Variants in LRRC58 observed in about 807,000 individuals in gnomAD.
LRRC58 encodes the protein leucine-rich repeat-containing protein 58.
Under a neutral mutation model 30.6 loss-of-function variants are expected in LRRC58, and 18 were observed. That is an observed-to-expected ratio of 0.59 (90% CI 0.41 to 0.87). The LOEUF is 0.87. Among genes scored for constraint, LRRC58 ranks in the 40% least tolerant of loss-of-function variants. The pLI is 0.00. For synonymous variants in LRRC58, 221 were observed against 206.0 expected (o/e 1.07, Z -0.62); for missense variants, 420 against 468.4 (o/e 0.90, Z 0.95).
intron 1 of LRRC58, among the ~76,000 whole-genome samples, chr3:120,341,402 T>C (rs983181101): frequency 6.6e-6 from 1 of 152,000 alleles, no homozygotes; most frequent in African/African-American, 2.4e-5. Flanking sequence ...ACTTGCAATA[T>C]AGTCTAGAGA....
chr3:120,340,976 A>G (rs1352214409), intron 1 of LRRC58, among the ~76,000 whole-genome samples: 1 of 152,172 alleles, frequency 6.6e-6, no homozygotes, highest in Non-Finnish European at 1.5e-5. Flanking sequence ...TCAAAATTCC[A>G]TTTCTCTCTT....
At chr3:120,335,704 C>T (rs1935826416) in intron 2 of LRRC58, 121 bp downstream of exon 2, 1 of 855,172 alleles carries the variant, frequency 1.2e-6, no homozygotes, top group Non-Finnish European at 1.8e-6. Flanking sequence ...CTATAATTAA[C>T]ATATCACTTA....
chr3:120,332,661 TTTTG>T (rs1321962550), intron 3 of LRRC58, among the ~76,000 whole-genome samples: 6 of 152,198 alleles, frequency 3.9e-5, no homozygotes, highest in Non-Finnish European at 8.8e-5. Context: ...ATAAAAGTAC[TTTTG>T]TTTAAGTTAC....
chr3:120,343,895 C>CTGG (rs1935935018), intron 1 of LRRC58, among the ~76,000 whole-genome samples: 1 of 151,974 alleles, frequency 6.6e-6, no homozygotes, highest in Non-Finnish European at 1.5e-5. Context: ...AAAAATTAGC[C>CTGG]TGGTGTGGTG....
At chr3:120,348,636 A>G in intron 1 of LRRC58, 108 bp downstream of exon 1, 1 of 1,294,798 alleles carries the variant, frequency 7.7e-7, no homozygotes, top group South Asian at 1.6e-5. Flanking sequence ...GTTAAAGAGA[A>G]AGCTTGGAAA....
At chr3:120,337,552 C>A (rs1021375619) in intron 1 of LRRC58, among the ~76,000 whole-genome samples, 14 of 151,940 alleles carry the variant, frequency 9.2e-5, no homozygotes, top group African/African-American at 3.4e-4. Flanking sequence ...TCCTTTGTGG[C>A]CTCAAGCATG....
intron 1 of LRRC58, among the ~76,000 whole-genome samples, chr3:120,340,337 T>C (rs1935889559): frequency 6.6e-6 from 1 of 152,240 alleles, no homozygotes; most frequent in South Asian, 2.1e-4. Flanking sequence ...AGTTAGTTCA[T>C]AATTACATCT....
intron 1 of LRRC58, among the ~76,000 whole-genome samples, 175 bp downstream of exon 1, chr3:120,348,569 A>T (rs974749181): frequency 3.3e-5 from 5 of 152,210 alleles, no homozygotes; most frequent in African/African-American, 1.2e-4. Context: ...ACATGCGAAC[A>T]TACTAGGTAT....
At chr3:120,335,189 C>A (rs1436791462) in intron 2 of LRRC58, 50 bp from the exon 3 acceptor site, 3 of 1,497,960 alleles carry the variant, frequency 2.0e-6, no homozygotes, top group Admixed American at 1.8e-5. Flanking sequence ...ACGTAACTAT[C>A]AAAAATATTG....
chr3:120,331,999 A>T (rs1394400796), intron 3 of LRRC58, among the ~76,000 whole-genome samples: 1 of 152,228 alleles, frequency 6.6e-6, no homozygotes, highest in Non-Finnish European at 1.5e-5. Flanking sequence ...ACACATCGTC[A>T]GGTAAACTGA....
chr3:120,342,685 C>A (rs1274382905), intron 1 of LRRC58, among the ~76,000 whole-genome samples: 1 of 152,188 alleles, frequency 6.6e-6, no homozygotes, highest in Non-Finnish European at 1.5e-5. Flanking sequence ...TCTTCTTCAC[C>A]CTTCACTTGT....
At position 120,324,519 on chromosome 3, in the gene LRRC58, T is replaced by C. The variant is rs767607140; in HGVS notation, c.*6681A>G. 9.2e-5 allele frequency: 14 copies of C among 152,232 alleles called. No individual in the cohort carries two copies. Among genetic ancestry groups the C allele is most frequent in the Non-Finnish European group, 1.9e-4 (13 of 68,032 alleles). 9.4% of individuals were successfully genotyped at this position (152,232 alleles called of 1,614,324 possible). A position where few individuals can be genotyped will look rare whatever the true frequency, so the allele number is the denominator to read the frequency against. On this transcript the variant is annotated 3_prime_UTR_variant, in exon 4 of 4. Coordinates refer to ENST00000295628, the MANE Select transcript of LRRC58 (RefSeq NM_001099678.2). ...GCATCTAGAACAGAGTCAATGTTAG[T>C]ACATATTTAATGTATGTATTCAATG...
Position 120,349,091 on chromosome 3 carries a change from C to G in LRRC58, c.153G>C (p.Leu51=), listed in dbSNP as rs1936018552. ...GCAGCGACACCAGACGGTTGTGAGG[C>G]AGCAGCAGCCGCAGCAGCGCCTCCC... ...GAREALLRLL[L]PHNRLVSLPR... is the part of the protein sequence containing the mutation. The change falls in exon 1 of 4, where the codon CTG becomes CTC. Residue 51 remains leucine, a synonymous_variant. Transcript: ENST00000295628. The G allele has an allele frequency of 1.3e-6, 2 of 1,513,612 alleles. No individual in the cohort carries two copies. The highest frequency in any genetic ancestry group is 1.8e-6 in the Non-Finnish European group (2 of 1,139,492). 93.8% of individuals were successfully genotyped at this position (1,513,612 alleles called of 1,614,324 possible). A position where few individuals can be genotyped will look rare whatever the true frequency, so the allele number is the denominator to read the frequency against.
At chr3:120,347,376 A>ATTTTTTTTTTTTTTTTTTTT (rs1208688984) in intron 1 of LRRC58, among the ~76,000 whole-genome samples, 23 of 51,094 alleles carry the variant, frequency 4.5e-4, no homozygotes, top group Non-Finnish European at 6.8e-4. Flanking sequence ...CCAGGCCAAT[A>ATTTTTTTTTTTTTTTTTTTT]TTCTTTTTTT....
At position 120,328,437 on chromosome 3, in the gene LRRC58, G is replaced by A. The variant is rs543121013; in HGVS notation, c.*2763C>T. On this transcript the variant is annotated 3_prime_UTR_variant, in exon 4 of 4. Transcript: ENST00000295628. ...TCTAAATATATTAATGTTATGCTTAGGCAGTTTTATCCATAGTTTTGGTCA... is the reference window on the plus strand; with the variant it reads ...TCTAAATATATTAATGTTATGCTTAAGCAGTTTTATCCATAGTTTTGGTCA... The A allele has an allele frequency of 6.6e-6, 1 of 152,310 alleles. No homozygotes were observed. Among genetic ancestry groups the A allele is most frequent in the East Asian group, 1.9e-4 (1 of 5,186 alleles). 9.4% of individuals were successfully genotyped at this position (152,310 alleles called of 1,614,324 possible).
At position 120,349,309 on chromosome 3, in the gene LRRC58, A is replaced by T; in HGVS notation, c.-66T>A. 3 of 1,323,442 alleles carry T rather than the reference A, an allele frequency of 2.3e-6. No homozygotes were observed. The highest frequency in any genetic ancestry group is 4.2e-5 in the Admixed American group (1 of 24,024). The allele number at this position is 1,323,442 out of a possible 1,614,324, so 82.0% of individuals were successfully genotyped here. A position where few individuals can be genotyped will look rare whatever the true frequency, so the allele number is the denominator to read the frequency against. ...CGCCGCGCGCGGTCCAGAGGCCGGG[A>T]GCTCTGCGGCGCCCCGGAACCTGAA... On this transcript the variant is annotated 5_prime_UTR_variant, in exon 1 of 4. Transcript: ENST00000295628.
At chr3:120,347,953 A>G (rs1935994544) in intron 1 of LRRC58, among the ~76,000 whole-genome samples, 1 of 152,208 alleles carries the variant, frequency 6.6e-6, no homozygotes. Context: ...ATTCCTGTAA[A>G]CAAGGAATCA....
intron 1 of LRRC58, among the ~76,000 whole-genome samples, chr3:120,338,622 T>A (rs150740119): frequency 0.018 from 2,682 of 152,282 alleles, 32 homozygotes; most frequent in Non-Finnish European, 0.03. Context: ...AATGACTGAG[T>A]ACAAACCCCA....
chr3:120,337,573 A>T (rs1315946575), intron 1 of LRRC58, among the ~76,000 whole-genome samples: 1 of 152,066 alleles, frequency 6.6e-6, no homozygotes, highest in African/African-American at 2.4e-5. Context: ...GTCTATTTTC[A>T]TTCATGTATT....
Sources: allele counts gnomAD v4.1 joint callset (sites outside exome capture counted in the v4.1 genomes callset), GRCh38; gene constraint gnomAD v4.1.1; transcripts MANE v1.5; gene names NCBI Gene and HGNC (gene_info 2026-07-23, HGNC 2026-07-21).